Variants in SLC5A4 observed in about 807,000 individuals in gnomAD.
SLC5A4 encodes probable glucose sensor protein SLC5A4.
SLC5A4 carries 55 observed loss-of-function variants against 70.3 expected under a neutral mutation model. The ratio of observed to expected loss-of-function variants is 0.78; its 90% CI spans 0.63 to 0.98. SLC5A4 has a LOEUF of 0.98. Ranked by LOEUF, SLC5A4 falls within the 50% of genes least tolerant of loss-of-function variation. The pLI is 0.00. For synonymous variants in SLC5A4, 268 were observed against 305.7 expected, an observed-to-expected ratio of 0.88 and a Z score of 1.29; for missense variants, 735 against 839.2, an observed-to-expected ratio of 0.88 and a Z score of 1.53.
chr22:32,234,527 C>T (rs937030144), intron 8 of SLC5A4, among the ~76,000 whole-genome samples: 21 of 151,974 alleles, frequency 1.4e-4, no homozygotes, highest in Non-Finnish European at 2.8e-4. Context: ...GGTGAAACCC[C>T]GTCTCTACTG....
At chr22:32,333,382 G>A in the SLC5A4 span, among the ~76,000 whole-genome samples, 3 of 152,180 alleles carry the variant, frequency 2.0e-5, no homozygotes, top group Admixed American at 2.0e-4. Context: ...CTCGCCAAGG[G>A]GCCAGAGTGG....
At chr22:32,337,165 G>A in the SLC5A4 span, among the ~76,000 whole-genome samples, 1 of 152,190 alleles carries the variant, frequency 6.6e-6, no homozygotes, top group Non-Finnish European at 1.5e-5. Flanking sequence ...TGGCCTCCCA[G>A]GACCACCTTG....
At position 32,225,691 on chromosome 22, in the gene SLC5A4, A is replaced by C; in HGVS notation, c.1413T>G (p.Phe471Leu). 1.2e-6 allele frequency: 2 copies of C among 1,613,556 alleles called. No individual in the cohort carries two copies. Among genetic ancestry groups the C allele is most frequent in the Non-Finnish European group, 1.7e-6 (2 of 1,179,722 alleles). The change falls in exon 12 of 15, where the codon TTT becomes TTG. Residue 471 changes from phenylalanine to leucine, a missense_variant. Coordinates refer to ENST00000266086, the MANE Select transcript of SLC5A4 (RefSeq NM_014227.3). ...CTCTTTTACAGAAGATGGCAAGCACAAAGACAGCTGCAATTGGAGGCCCAA... is the reference window on the plus strand; with the variant it reads ...CTCTTTTACAGAAGATGGCAAGCACCAAGACAGCTGCAATTGGAGGCCCAA... ...SYLGPPIAAV[F>L]VLAIFCKRVN...
the SLC5A4 span, among the ~76,000 whole-genome samples, chr22:32,292,156 A>C: frequency 1.1e-4 from 6 of 53,220 alleles, 1 homozygote; most frequent in Admixed American, 2.5e-4. Flanking sequence ...TCTATATATT[A>C]TATATATAAT....
the SLC5A4 span, among the ~76,000 whole-genome samples, chr22:32,349,508 C>T: frequency 7.9e-5 from 12 of 152,152 alleles, no homozygotes; most frequent in Admixed American, 2.0e-4. Flanking sequence ...AAGAAGTGGT[C>T]TATGACATTA....
At chr22:32,330,688 T>A in the SLC5A4 span, among the ~76,000 whole-genome samples, 2 of 84,532 alleles carry the variant, frequency 2.4e-5, no homozygotes, top group African/African-American at 5.0e-5. Context: ...CTCTGGTGTG[T>A]GTGTTGGGGG....
chr22:32,349,119 C>T, the SLC5A4 span, among the ~76,000 whole-genome samples: 1 of 152,002 alleles, frequency 6.6e-6, no homozygotes, highest in African/African-American at 2.4e-5. Context: ...GGATTACAGG[C>T]GTGTGTTACC....
At chr22:32,354,122 A>G in the SLC5A4 span, among the ~76,000 whole-genome samples, 1 of 149,124 alleles carries the variant, frequency 6.7e-6, no homozygotes, top group African/African-American at 2.5e-5. Flanking sequence ...CAGACCTCTG[A>G]TAGCACCCAA....
At chr22:32,229,369 A>C (rs781079504) in intron 10 of SLC5A4, 25 bp from the exon 11 acceptor site, 2 of 1,611,318 alleles carry the variant, frequency 1.2e-6, no homozygotes, top group Admixed American at 1.7e-5. Flanking sequence ...GGGTACAAGC[A>C]CTGGTTAGTG....
At chr22:32,316,245 G>A in the SLC5A4 span, among the ~76,000 whole-genome samples, 2 of 151,054 alleles carry the variant, frequency 1.3e-5, no homozygotes, top group African/African-American at 2.4e-5. Context: ...TAAATGTTAT[G>A]TGCATTTTAC....
chr22:32,272,163 G>T, the SLC5A4 span: 1 of 715,164 alleles, frequency 1.4e-6, no homozygotes, highest in South Asian at 1.5e-5. Context: ...ACGCGTGGCC[G>T]CCGGGACCTG....
chr22:32,319,222 G>C, the SLC5A4 span, among the ~76,000 whole-genome samples: 2 of 151,750 alleles, frequency 1.3e-5, no homozygotes, highest in Admixed American at 1.3e-4. Flanking sequence ...CTGGGTCTCA[G>C]GTCCTCGACT....
At chr22:32,324,379 G>A in the SLC5A4 span, among the ~76,000 whole-genome samples, 2 of 151,698 alleles carry the variant, frequency 1.3e-5, no homozygotes, top group African/African-American at 4.9e-5. Context: ...CAGTTTCTTA[G>A]AGGGTAAAAT....
the SLC5A4 span, among the ~76,000 whole-genome samples, chr22:32,291,808 T>A: frequency 6.7e-6 from 1 of 150,090 alleles, no homozygotes; most frequent in Non-Finnish European, 1.5e-5. Flanking sequence ...TATGGAAATT[T>A]TTATATTTTA....
chr22:32,225,879 A>G (rs1925369462), intron 11 of SLC5A4, 56 bp from the exon 12 acceptor site: 13 of 1,240,522 alleles, frequency 1.0e-5, no homozygotes, highest in Non-Finnish European at 1.5e-5. Context: ...AGTTACTTCC[A>G]TTGTGCTTTA....
At chr22:32,291,203 G>C in the SLC5A4 span, among the ~76,000 whole-genome samples, 1 of 98,394 alleles carries the variant, frequency 1.0e-5, no homozygotes, top group Non-Finnish European at 2.0e-5. Flanking sequence ...GTGTTTGACT[G>C]TTCTTTTTTT....
chr22:32,273,574 T>G, the SLC5A4 span: 2 of 152,448 alleles, frequency 1.3e-5, no homozygotes, highest in Non-Finnish European at 2.9e-5. Flanking sequence ...CATGTTTATT[T>G]GTATGCATCT....
chr22:32,269,619 G>T, the SLC5A4 span: 1 of 609,052 alleles, frequency 1.6e-6, no homozygotes, highest in South Asian at 1.5e-5. The surrounding 1 kb of genome is among the most constrained non-coding windows in gnomAD (Gnocchi z 4.1). Flanking sequence ...GGCTCTGGCC[G>T]TACCCAAGCC....
chr22:32,279,751 A>C, the SLC5A4 span, among the ~76,000 whole-genome samples: 2 of 152,212 alleles, frequency 1.3e-5, no homozygotes, highest in African/African-American at 4.8e-5. Context: ...GAAGGGGGTT[A>C]TATTCAAACC....
Sources: allele counts gnomAD v4.1 joint callset (sites outside exome capture counted in the v4.1 genomes callset), GRCh38; gene constraint gnomAD v4.1.1; non-coding constraint Gnocchi (gnomAD v3.1); transcripts MANE v1.5; gene names NCBI Gene and HGNC (gene_info 2026-07-23, HGNC 2026-07-21).